The following ANKRD17 variants were observed in gnomAD, a reference collection of about 807,000 sequenced individuals.
ANKRD17 encodes ankyrin repeat domain-containing protein 17.
A neutral mutation model predicts 229.7 loss-of-function variants in ANKRD17; 19 were observed. That is an observed-to-expected ratio of 0.08 (90% CI 0.06 to 0.12). ANKRD17 has a LOEUF of 0.12. Among genes scored for constraint, ANKRD17 ranks in the 10% least tolerant of loss-of-function variants. ANKRD17 has a pLI of 1.00. For synonymous variants in ANKRD17, 1,112 were observed against 1,146.1 expected (o/e 0.97, Z 0.60); for missense variants, 2,176 against 3,176.8 (o/e 0.68, Z 7.57).
At chr4:73,090,181 G>C (rs536680838) in intron 29 of ANKRD17, among the ~76,000 whole-genome samples, 2 of 152,244 alleles carry the variant, frequency 1.3e-5, no homozygotes, top group East Asian at 3.9e-4. Flanking sequence ...AGGCCAAGGT[G>C]GGTGAATCAC....
rs146509241 is a variant in ANKRD17 at position 73,177,619 on chromosome 4, G to A, written c.394-86C>T. 8.4e-5 allele frequency: 89 copies of A among 1,059,572 alleles called. No homozygotes were observed. In the Admixed American group the frequency reaches 1.9e-3, roughly 23 times the overall value. The allele number at this position is 1,059,572 out of a possible 1,614,324, so 65.6% of individuals were successfully genotyped here. A position where few individuals can be genotyped will look rare whatever the true frequency, so the allele number is the denominator to read the frequency against. On this transcript the variant is annotated intron_variant, in intron 1 of 33. Coordinates refer to ENST00000358602, the MANE Select transcript of ANKRD17 (RefSeq NM_032217.5). Reference sequence around the variant, plus strand: ...GGAGAGAAATAAAAAGAAAGCAGGGGAGGGAAAAAATATGTTAACATAATT... The same window carrying A: ...GGAGAGAAATAAAAAGAAAGCAGGGAAGGGAAAAAATATGTTAACATAATT...
At chr4:73,078,350 C>A (rs752012651) in intron 31 of ANKRD17, among the ~76,000 whole-genome samples, 91 of 151,672 alleles carry the variant, frequency 6.0e-4, no homozygotes, top group Middle Eastern at 6.8e-3. Flanking sequence ...GCAGTCCGGC[C>A]TGGGTTACAG....
rs758365147 is a variant in ANKRD17 at position 73,091,563 on chromosome 4, GTGT to G, written c.6062_6064del (p.Asn2021del). ...AGGATATGTGGCATTTGTGGGTGCA[GTGT>G]TGTTGTTGCTTGCCGTGGTTGTGAC... is the stretch of plus-strand genomic sequence containing the variant. On this transcript the variant is annotated inframe_deletion, in exon 29 of 34. Transcript: ENST00000358602. 188 of 1,614,080 alleles carry G rather than the reference GTGT, an allele frequency of 1.2e-4. No homozygotes were observed. Among genetic ancestry groups the G allele is most frequent in the Non-Finnish European group, 1.5e-4 (173 of 1,180,048 alleles).
At chr4:73,120,662 C>A (rs958340817) in intron 20 of ANKRD17, among the ~76,000 whole-genome samples, 20 of 151,696 alleles carry the variant, frequency 1.3e-4, no homozygotes, top group African/African-American at 4.6e-4. Flanking sequence ...TCTTTTTCAG[C>A]TGATAATCCT....
chr4:73,207,239 T>A (rs1739588829), intron 1 of ANKRD17, among the ~76,000 whole-genome samples: 1 of 152,146 alleles, frequency 6.6e-6, no homozygotes, highest in African/African-American at 2.4e-5. Flanking sequence ...TCAAATATCA[T>A]GTTGTACACC....
At chr4:73,122,670 G>T (rs1726902853) in intron 18 of ANKRD17, among the ~76,000 whole-genome samples, 1 of 151,880 alleles carries the variant, frequency 6.6e-6, no homozygotes, top group Admixed American at 6.6e-5. Context: ...AATACTAACT[G>T]GCAAATAATA....
At chr4:73,098,924 G>A (rs1723618212) in intron 25 of ANKRD17, 2 of 1,043,588 alleles carry the variant, frequency 1.9e-6, no homozygotes, top group Non-Finnish European at 1.5e-6. Context: ...GCAGCCTCTG[G>A]TGAGTTCCGG....
At position 73,120,437 on chromosome 4, in the gene ANKRD17, T is replaced by C. The variant is rs140405815; in HGVS notation, c.3850-100A>G. 116 of 984,148 alleles carry C rather than the reference T, an allele frequency of 1.2e-4. No individual in the cohort carries two copies. The East Asian group carries it at 2.6e-3, about 22-fold the overall frequency. 61.0% of individuals were successfully genotyped at this position (984,148 alleles called of 1,614,324 possible). A position where few individuals can be genotyped will look rare whatever the true frequency, so the allele number is the denominator to read the frequency against. ...TTGAAGAAGGAATATGATACAGCTG[T>C]TACCAAGATTCACAACTAAATTTAA... On this transcript the variant is annotated intron_variant, in intron 20 of 33. Transcript: ENST00000358602.
intron 1 of ANKRD17, among the ~76,000 whole-genome samples, chr4:73,220,899 C>T (rs188489107): frequency 1.6e-4 from 25 of 152,152 alleles, no homozygotes; most frequent in African/African-American, 5.3e-4. Flanking sequence ...AAGGAGTTAT[C>T]CCTGTGGGGG....
At chr4:73,223,057 CACTAT>C (rs1254733318) in intron 1 of ANKRD17, 15 of 1,535,656 alleles carry the variant, frequency 9.8e-6, no homozygotes, top group Non-Finnish European at 1.3e-5. Context: ...TTTCTTACTG[CACTAT>C]GATTAGATCA....
chr4:73,125,073 T>C lies in ANKRD17; in HGVS notation c.3347-15A>G, dbSNP rs1212023602. On this transcript the variant is annotated splice_polypyrimidine_tract_variant and intron_variant, in intron 17 of 33. Coordinates refer to ENST00000358602, the MANE Select transcript of ANKRD17 (RefSeq NM_032217.5). The stretch of plus-strand genomic sequence containing the variant: ...TGGAGTAAAACCTGGAGAAAAATAA[T>C]GATCTTCTCACTACATGCTAAGGCA... The C allele has an allele frequency of 1.9e-6, 3 of 1,613,976 alleles. No individual in the cohort carries two copies. The highest frequency in any genetic ancestry group is 1.7e-5 in the Admixed American group (1 of 60,006).
chr4:73,086,919 AATATATATATATATATATATAT>A (rs61024099), intron 29 of ANKRD17, among the ~76,000 whole-genome samples: 2 of 12,464 alleles, frequency 1.6e-4, no homozygotes, highest in Non-Finnish European at 3.5e-4. Flanking sequence ...AAAAAAAAAA[AATATATATATATATATATATAT>A]ATATATATAT....
intron 1 of ANKRD17, among the ~76,000 whole-genome samples, chr4:73,195,776 G>C (rs1737782578): frequency 6.6e-6 from 1 of 152,026 alleles, no homozygotes; most frequent in African/African-American, 2.4e-5. Flanking sequence ...CAAAGTGCTG[G>C]GATTACAGGC....
rs35160047 is a variant in ANKRD17 at position 73,250,589 on chromosome 4, C to CAA, written c.393+7685_393+7686dup. Among the ~76,000 whole-genome samples the CAA allele has an allele frequency of 2.1e-3, 63 of 29,400 alleles. 14 individuals are homozygous for CAA. Among genetic ancestry groups the CAA allele is most frequent in the Middle Eastern group, 0.038 (1 of 26 alleles). The allele number at this position is 29,400 out of a possible 152,430, so 19.3% of individuals were successfully genotyped here. A position where few individuals can be genotyped will look rare whatever the true frequency, so the allele number is the denominator to read the frequency against. ...CACTCCAGCATAGATGACCTTGTCT[C>CAA]AAAAAAAAAAAAAAAAAAAAAAAAA... On this transcript the variant is annotated intron_variant, in intron 1 of 33. Coordinates refer to ENST00000358602, the MANE Select transcript of ANKRD17 (RefSeq NM_032217.5).
chr4:73,216,176 C>G (rs991240548), intron 1 of ANKRD17, among the ~76,000 whole-genome samples: 1 of 151,922 alleles, frequency 6.6e-6, no homozygotes. Flanking sequence ...TAAAACAATG[C>G]CACTCTCACA....
At chr4:73,215,300 G>T (rs971608546) in intron 1 of ANKRD17, among the ~76,000 whole-genome samples, 1 of 150,626 alleles carries the variant, frequency 6.6e-6, no homozygotes, top group African/African-American at 2.5e-5. Flanking sequence ...TTGCTCTGTC[G>T]CCAGGCTTGA....
At chr4:73,142,542 A>G in intron 12 of ANKRD17, 98 bp downstream of exon 12, 1 of 1,592,446 alleles carries the variant, frequency 6.3e-7, no homozygotes, top group Non-Finnish European at 8.6e-7. Flanking sequence ...TTACACTTAG[A>G]ATGCCATTAT....
In ANKRD17 at chr4:73,156,126, C is replaced by T. The variant is rs1560613032; in HGVS notation, c.745G>A (p.Ala249Thr). ...CCTTCAATGAGTAACTTTCGCACAG[C>T]ATTTACATCTCCTTCTGAACAGGCT... ...AEACSEGDVN[A>T]VRKLLIEGRS... Residue 249 changes from alanine (A) to threonine (T), a missense_variant, in exon 4 of 34, where the codon GCT becomes ACT. Ala to Thr is a moderately conservative substitution (Grantham distance 58, BLOSUM62 0). Around this residue, in one of 18 missense-constraint regions of ANKRD17, gnomAD observed 184 missense variants for 357.8 expected, o/e 0.51. Coordinates refer to ENST00000358602, the MANE Select transcript of ANKRD17 (RefSeq NM_032217.5). 1 of 1,612,064 alleles carries T rather than the reference C, an allele frequency of 6.2e-7. No homozygotes were observed. The highest frequency in any genetic ancestry group is 1.7e-5 in the Admixed American group (1 of 59,348).
At chr4:73,174,992 T>C (rs1456284733) in intron 2 of ANKRD17, among the ~76,000 whole-genome samples, 1 of 152,180 alleles carries the variant, frequency 6.6e-6, no homozygotes, top group Non-Finnish European at 1.5e-5. Flanking sequence ...AAAATGTACA[T>C]ACTACCCCAA....
Sources: gnomAD v4.1 joint callset for allele counts (sites outside exome capture counted in the v4.1 genomes callset) on GRCh38, gnomAD v4.1.1 for gene constraint, gnomAD v4.1.1 regional missense constraint, MANE v1.5 for transcripts, NCBI Gene and HGNC (gene_info 2026-07-23, HGNC 2026-07-21) for gene names.